The following ADAM22 variants were observed in gnomAD, a reference collection of about 807,000 sequenced individuals.
ADAM22 encodes ADAM metallopeptidase domain 22, also known as disintegrin and metalloproteinase domain-containing protein 22.
A neutral mutation model predicts 144.6 loss-of-function variants in ADAM22; 65 were observed. The observed-to-expected ratio is 0.45, with a 90% CI of 0.37 to 0.55. The LOEUF (loss-of-function observed/expected upper bound fraction) is 0.55, where lower values mean the gene tolerates loss of function less well. Among genes scored for constraint, ADAM22 ranks in the 20% least tolerant of loss-of-function variants. ADAM22 has a pLI of 0.00. For synonymous variants in ADAM22, 391 were observed against 412.6 expected, an observed-to-expected ratio of 0.95 and a Z score of 0.63; for missense variants, 974 against 1,184.9, an observed-to-expected ratio of 0.82 and a Z score of 2.61.
chr7:87,945,523 T>C (rs1224474965), intron 2 of ADAM22, among the ~76,000 whole-genome samples: 2 of 151,376 alleles, frequency 1.3e-5, no homozygotes, highest in Non-Finnish European at 3.0e-5. Flanking sequence ...TTTCTTTTTT[T>C]TTTTTTTTGA....
chr7:88,083,075 G>C (rs189023322), intron 4 of ADAM22, among the ~76,000 whole-genome samples: 20 of 152,088 alleles, frequency 1.3e-4, no homozygotes, highest in African/African-American at 2.4e-4. Flanking sequence ...ATAGCAAAGA[G>C]TTGGAACCAA....
intron 2 of ADAM22, among the ~76,000 whole-genome samples, chr7:87,974,040 A>G (rs1283299351): frequency 1.3e-5 from 2 of 152,008 alleles, no homozygotes; most frequent in African/African-American, 4.8e-5. Context: ...ATACATATGT[A>G]ACAAAGCTGC....
chr7:88,038,628 T>C (rs1158656728), intron 3 of ADAM22, among the ~76,000 whole-genome samples: 1 of 151,602 alleles, frequency 6.6e-6, no homozygotes, highest in African/African-American at 2.4e-5. Context: ...CTAATTTTTG[T>C]ATTTTTAGTA....
intron 2 of ADAM22, among the ~76,000 whole-genome samples, chr7:87,952,503 T>C (rs1038972120): frequency 5.3e-5 from 8 of 152,138 alleles, no homozygotes; most frequent in Admixed American, 2.6e-4. Flanking sequence ...CACTTGATCA[T>C]GGTGGATAAG....
intron 29 of ADAM22, among the ~76,000 whole-genome samples, chr7:88,182,757 C>T (rs1028745547): frequency 7.9e-5 from 12 of 152,108 alleles, no homozygotes; most frequent in African/African-American, 2.4e-4. Context: ...AAAACCTCCT[C>T]AAATCTTTAT....
At chr7:88,091,023 A>G (rs1345605923) in intron 4 of ADAM22, among the ~76,000 whole-genome samples, 1 of 152,178 alleles carries the variant, frequency 6.6e-6, no homozygotes, top group East Asian at 1.9e-4. Flanking sequence ...ATCTGGAAAT[A>G]TTATAGTTTT....
rs533936723 is a variant in ADAM22 at position 88,050,460 on chromosome 7, A to T, written c.324-25166A>T. On this transcript the variant is annotated intron_variant, in intron 3 of 31. Coordinates refer to ENST00000413139, the MANE Select transcript of ADAM22 (RefSeq NM_001324418.2). ...AGAAAATGAGAAAATGCCCAGAGTC[A>T]GTCTTAGTGATTTCAGGATAACTCA... 1.4e-3 allele frequency among the ~76,000 whole-genome samples: 205 copies of T among 145,502 alleles called. 1 individual carries two copies. The highest frequency in any genetic ancestry group is 4.9e-3 in the African/African-American group (191 of 39,146).
chr7:88,144,578 A>T (rs1412560106), intron 15 of ADAM22, among the ~76,000 whole-genome samples: 2 of 152,254 alleles, frequency 1.3e-5, no homozygotes, highest in East Asian at 3.9e-4. Context: ...TATCAGAAGG[A>T]GATATAGTAA....
intron 3 of ADAM22, among the ~76,000 whole-genome samples, chr7:87,992,512 T>C (rs1193598885): frequency 6.6e-6 from 1 of 152,208 alleles, no homozygotes; most frequent in Non-Finnish European, 1.5e-5. Context: ...TGATTAATCA[T>C]GAAAATAGAT....
chr7:88,095,837 C>A (rs1219049174), intron 4 of ADAM22, among the ~76,000 whole-genome samples: 2 of 152,000 alleles, frequency 1.3e-5, no homozygotes, highest in East Asian at 3.9e-4. Context: ...CAGCATGTCT[C>A]CTGTTAGTTT....
At chr7:87,996,774 A>T (rs564763244) in intron 3 of ADAM22, among the ~76,000 whole-genome samples, 19 of 152,258 alleles carry the variant, frequency 1.2e-4, no homozygotes, top group African/African-American at 3.9e-4. Flanking sequence ...TTCGCAGCAT[A>T]GTCTTTGTAG....
chr7:88,033,032 T>G lies in ADAM22; in HGVS notation c.324-42594T>G, dbSNP rs532076003. Among the ~76,000 whole-genome samples, 3 of 152,332 alleles carry G rather than the reference T, an allele frequency of 2.0e-5. No individual in the cohort carries two copies. The East Asian group carries it at 5.8e-4, about 29-fold the overall frequency. On this transcript the variant is annotated intron_variant, in intron 3 of 31. Coordinates refer to ENST00000413139, the MANE Select transcript of ADAM22 (RefSeq NM_001324418.2). ...TCTCAGGTAGTTCTTTATAGCAGTG[T>G]GAGAATGGACTAATACATTTGGTTA... is the stretch of plus-strand genomic sequence containing the variant.
chr7:87,978,243 A>C (rs1180729641), intron 2 of ADAM22, 93 bp from the exon 3 acceptor site: 1 of 941,394 alleles, frequency 1.1e-6, no homozygotes, highest in Non-Finnish European at 1.6e-6. Context: ...TTCTTATGAT[A>C]TTGTAAGTGT....
At chr7:88,147,466 C>G (rs1227050996) in intron 17 of ADAM22, among the ~76,000 whole-genome samples, 1 of 152,216 alleles carries the variant, frequency 6.6e-6, no homozygotes, top group Non-Finnish European at 1.5e-5. Flanking sequence ...TGCAGCTCAG[C>G]TCTGCCTTTG....
chr7:88,045,110 C>T (rs1467717201), intron 3 of ADAM22, among the ~76,000 whole-genome samples: 3 of 150,578 alleles, frequency 2.0e-5, no homozygotes, highest in East Asian at 2.0e-4. Flanking sequence ...CTCCGCCTCC[C>T]GGGTTCAGGC....
chr7:87,968,216 G>C (rs1379163781), intron 2 of ADAM22, among the ~76,000 whole-genome samples: 4 of 152,078 alleles, frequency 2.6e-5, no homozygotes, highest in Non-Finnish European at 5.9e-5. Flanking sequence ...AGATAAGGAG[G>C]GCATTTCTTA....
At chr7:88,088,577 C>T (rs1563191703) in intron 4 of ADAM22, among the ~76,000 whole-genome samples, 1 of 150,962 alleles carries the variant, frequency 6.6e-6, no homozygotes. Flanking sequence ...AATATAGTGA[C>T]TGTCAGGACA....
chr7:87,978,953 A>T (rs1351202723), intron 3 of ADAM22, among the ~76,000 whole-genome samples: 2 of 152,180 alleles, frequency 1.3e-5, no homozygotes, highest in East Asian at 3.8e-4. Flanking sequence ...TAGGTTTGGA[A>T]GGTGCTTTTG....
At chr7:87,976,510 A>G (rs1481029542) in intron 2 of ADAM22, among the ~76,000 whole-genome samples, 5 of 152,178 alleles carry the variant, frequency 3.3e-5, no homozygotes, top group Non-Finnish European at 7.4e-5. Context: ...TTAACCTTGG[A>G]CTTCCAGCCT....
Sources: allele counts gnomAD v4.1 joint callset (sites outside exome capture counted in the v4.1 genomes callset), GRCh38; gene constraint gnomAD v4.1.1; transcripts MANE v1.5; gene names NCBI Gene and HGNC (gene_info 2026-07-23, HGNC 2026-07-21).